Variants in WDR33 observed in about 807,000 individuals in gnomAD.
WDR33 encodes the protein pre-mRNA 3' end processing protein WDR33.
A neutral mutation model predicts 164.9 loss-of-function variants in WDR33; 47 were observed. That is an observed-to-expected ratio of 0.29 (90% CI 0.23 to 0.36). WDR33 has a LOEUF of 0.36. Among genes scored for constraint, WDR33 ranks in the 10% least tolerant of loss-of-function variants. WDR33 has a pLI of 1.00. For synonymous variants in WDR33, 505 were observed against 589.0 expected (o/e 0.86, Z 2.06); for missense variants, 1,137 against 1,754.1 (o/e 0.65, Z 6.28).
chr2:127,750,357 T>C (rs1371963936), intron 7 of WDR33, among the ~76,000 whole-genome samples: 1 of 151,630 alleles, frequency 6.6e-6, no homozygotes, highest in Admixed American at 6.6e-5. Context: ...GTCAAAAATA[T>C]AAGGGAAGGC....
intron 7 of WDR33, among the ~76,000 whole-genome samples, chr2:127,731,754 A>G (rs568934728): frequency 3.3e-5 from 5 of 152,294 alleles, no homozygotes; most frequent in African/African-American, 1.2e-4. Flanking sequence ...ATTTTATAGG[A>G]CTGTAGACCT....
chr2:127,793,138 A>G (rs546811819), intron 1 of WDR33, among the ~76,000 whole-genome samples: 2 of 152,240 alleles, frequency 1.3e-5, no homozygotes, highest in South Asian at 4.1e-4. Flanking sequence ...TACATCAAAA[A>G]CTCAATTTAG....
At chr2:127,747,438 GAA>G (rs75753938) in intron 7 of WDR33, among the ~76,000 whole-genome samples, 9 of 125,002 alleles carry the variant, frequency 7.2e-5, no homozygotes, top group African/African-American at 1.2e-4. Flanking sequence ...CTGCTCTACC[GAA>G]AAAAAAAAAA....
intron 7 of WDR33, 99 bp downstream of exon 7, chr2:127,762,962 AT>A: frequency 6.4e-7 from 1 of 1,562,502 alleles, no homozygotes; most frequent in Non-Finnish European, 8.7e-7. Context: ...TGTAAAAAAA[AT>A]TGAATGGAGG....
Position 127,722,794 on chromosome 2 carries a change from A to C in WDR33, c.1379-64T>G. The C allele has an allele frequency of 6.5e-7, 1 of 1,549,912 alleles. No individual in the cohort carries two copies. The highest frequency in any genetic ancestry group is 8.8e-7 in the Non-Finnish European group (1 of 1,136,112). ...AAGAAATTGGCCACTTGATCAATGA[A>C]CACATTATTGGAAGAATAGATTTTA... On this transcript the variant is annotated intron_variant, in intron 13 of 21. Coordinates refer to ENST00000322313, the MANE Select transcript of WDR33 (RefSeq NM_018383.5). The surrounding 1 kb of genome is among the most constrained non-coding windows in gnomAD (Gnocchi z 5.1).
intron 7 of WDR33, among the ~76,000 whole-genome samples, chr2:127,739,085 CAAATT>C (rs1028669647): frequency 2.0e-5 from 3 of 152,258 alleles, no homozygotes; most frequent in Non-Finnish European, 2.9e-5. Flanking sequence ...CAAACCAGTT[CAAATT>C]AAATTAAACA....
At chr2:127,787,462 A>G (rs1209900336) in intron 1 of WDR33, among the ~76,000 whole-genome samples, 4 of 136,800 alleles carry the variant, frequency 2.9e-5, no homozygotes, top group Non-Finnish European at 4.7e-5. Context: ...CACCTCCCGG[A>G]CGGGGCAGCT....
rs1686090590 is a variant in WDR33, at chr2:127,709,179, G to A, written c.3566-287C>T. Among the ~76,000 whole-genome samples, 4 of 152,174 alleles carry A rather than the reference G, an allele frequency of 2.6e-5. No individual in the cohort carries two copies. The highest frequency in any genetic ancestry group is 6.5e-5 in the Admixed American group (1 of 15,276). On this transcript the variant is annotated intron_variant, in intron 20 of 21. Transcript: ENST00000322313. The surrounding 1 kb of genome is among the most constrained non-coding windows in gnomAD (Gnocchi z 5.0). ...TTTTGTTAATGAGAGTTGTAACTGC[G>A]AATATTTACCATATTAGCAATTGAG...
intron 1 of WDR33, among the ~76,000 whole-genome samples, chr2:127,772,400 C>G (rs1325132655): frequency 1.3e-5 from 2 of 151,982 alleles, no homozygotes; most frequent in African/African-American, 4.8e-5. Context: ...AATCACCTCA[C>G]TGCACTCCAG....
At chr2:127,715,009 C>A (rs898013573) in intron 17 of WDR33, among the ~76,000 whole-genome samples, 12 of 152,054 alleles carry the variant, frequency 7.9e-5, no homozygotes, top group Non-Finnish European at 1.8e-4. Context: ...TAAAGACAAA[C>A]CCCTCCTGTA....
chr2:127,798,127 G>C (rs1033305316), intron 1 of WDR33, among the ~76,000 whole-genome samples: 6 of 151,948 alleles, frequency 3.9e-5, no homozygotes, highest in African/African-American at 1.5e-4. Flanking sequence ...CAGCACTCTG[G>C]GAGGCCGAGG....
chr2:127,706,665 G>GTCTCCCT lies in WDR33; in HGVS notation c.3782-114_3782-113insAGGGAGA. Reference sequence around the variant, plus strand: ...AATGGACCAGTTCTGGTGGGTGCCAGGGAGACTGGCAGTGGTATTCAGCGT... The same window carrying GTCTCCCT: ...AATGGACCAGTTCTGGTGGGTGCCAGTCTCCCTGGAGACTGGCAGTGGTATTCAGCGT... On this transcript the variant is annotated intron_variant, in intron 21 of 21. Coordinates refer to ENST00000322313, the MANE Select transcript of WDR33 (RefSeq NM_018383.5). This position sits in a 1 kb window ranked among gnomAD's most constrained non-coding sequence, Gnocchi z 5.1. 1.1e-6 allele frequency: 1 copy of GTCTCCCT among 940,630 alleles called. No individual in the cohort carries two copies. The highest frequency in any genetic ancestry group is 1.6e-6 in the Non-Finnish European group (1 of 640,354). 58.3% of individuals were successfully genotyped at this position (940,630 alleles called of 1,614,324 possible).
In WDR33 at chr2:127,724,756, A is replaced by G; in HGVS notation, c.1085+131T>C. 1.0e-6 allele frequency: 1 copy of G among 988,298 alleles called. No individual in the cohort carries two copies. The allele number at this position is 988,298 out of a possible 1,614,324, so 61.2% of individuals were successfully genotyped here. On this transcript the variant is annotated intron_variant, in intron 10 of 21. Coordinates refer to ENST00000322313, the MANE Select transcript of WDR33 (RefSeq NM_018383.5). The surrounding 1 kb of genome is among the most constrained non-coding windows in gnomAD (Gnocchi z 4.8). ...TTCTATTCCAAGCTGGATTTACAGA[A>G]CTGAAAACTGCAAGCAGTCTCTGAT...
At position 127,764,942 on chromosome 2, in the gene WDR33, T is replaced by C; in HGVS notation, c.512A>G (p.His171Arg). 6.2e-7 allele frequency: 1 copy of C among 1,614,222 alleles called. No individual in the cohort carries two copies. Among genetic ancestry groups the C allele is most frequent in the Non-Finnish European group, 8.5e-7 (1 of 1,180,034 alleles). ...DSPVRAMTWS[H>R]NDMWMLTADH... is the part of the protein sequence containing the mutation. ...TGCTGTCAACATCCACATGTCATTA[T>C]GTGACCACGTCATGGCCCTCACTGG... is the stretch of plus-strand genomic sequence containing the variant. Residue 171 changes from histidine (H) to arginine (R), a missense_variant, in exon 6 of 22, where the codon CAT becomes CGT. Around this residue, in one of 9 missense-constraint regions of WDR33, gnomAD observed 10 missense variants for 87.7 expected, o/e 0.11. Transcript: ENST00000322313. The surrounding 1 kb of genome is among the most constrained non-coding windows in gnomAD (Gnocchi z 6.2).
chr2:127,742,487 G>C (rs1005023096), intron 7 of WDR33, among the ~76,000 whole-genome samples: 1 of 143,326 alleles, frequency 7.0e-6, no homozygotes, highest in African/African-American at 2.6e-5. Flanking sequence ...TGATTGCACC[G>C]CTGCACTCCA....
chr2:127,763,473 A>C lies in WDR33; in HGVS notation c.627-314T>G. ...CGAGGAAATCACATGAAGCTGCCTT[A>C]AGTGGTGAAAATAAATGGATTCTAT... is the stretch of plus-strand genomic sequence containing the variant. On this transcript the variant is annotated intron_variant, in intron 6 of 21. Coordinates refer to ENST00000322313, the MANE Select transcript of WDR33 (RefSeq NM_018383.5). This position sits in a 1 kb window ranked among gnomAD's most constrained non-coding sequence, Gnocchi z 4.5. 1 of 1,095,014 alleles carries C rather than the reference A, an allele frequency of 9.1e-7. No homozygotes were observed. The allele number at this position is 1,095,014 out of a possible 1,614,324, so 67.8% of individuals were successfully genotyped here.
chr2:127,758,667 TA>T (rs1317230313), intron 7 of WDR33, among the ~76,000 whole-genome samples: 1 of 152,154 alleles, frequency 6.6e-6, no homozygotes, highest in Non-Finnish European at 1.5e-5. Context: ...AAATTAAAAA[TA>T]AAATATGATG....
At chr2:127,797,776 C>A (rs1689090697) in intron 1 of WDR33, among the ~76,000 whole-genome samples, 1 of 152,172 alleles carries the variant, frequency 6.6e-6, no homozygotes, top group African/African-American at 2.4e-5. Flanking sequence ...CTTCGGGAGG[C>A]TGAGGAAGGT....
chr2:127,779,042 C>CA (rs1020840168), intron 1 of WDR33, among the ~76,000 whole-genome samples: 5 of 151,646 alleles, frequency 3.3e-5, no homozygotes, highest in Non-Finnish European at 5.9e-5. Context: ...GCTCTGGCAT[C>CA]AAAAAAATGC....
Sources: allele counts gnomAD v4.1 joint callset (sites outside exome capture counted in the v4.1 genomes callset), GRCh38; gene constraint gnomAD v4.1.1; regional missense constraint gnomAD v4.1.1; non-coding constraint Gnocchi (gnomAD v3.1); transcripts MANE v1.5; gene names NCBI Gene and HGNC (gene_info 2026-07-23, HGNC 2026-07-21).